Variants in CD84 observed in about 807,000 individuals in gnomAD.
The protein encoded by CD84 is SLAM family member 5.
CD84 carries 22 observed loss-of-function variants against 33.8 expected under a neutral mutation model. The observed-to-expected ratio is 0.65, with a 90% CI of 0.46 to 0.93. The LOEUF is 0.93. Among genes scored for constraint, CD84 ranks in the 40% least tolerant of loss-of-function variants. CD84 has a pLI of 0.00. For missense variants in CD84, 400 were observed against 397.6 expected (o/e 1.01, Z -0.05); for synonymous variants, 154 against 145.2 (o/e 1.06, Z -0.44).
chr1:160,550,099 C>G (rs577913358), intron 5 of CD84, 120 bp from the exon 6 acceptor site: 1 of 747,872 alleles, frequency 1.3e-6, no homozygotes, highest in Non-Finnish European at 2.4e-6. Flanking sequence ...GTGGCCTCCC[C>G]TTTGGCCTCA....
At chr1:160,550,498 C>G in intron 5 of CD84, 2 of 405,326 alleles carry the variant, frequency 4.9e-6, no homozygotes, top group Non-Finnish European at 6.7e-6. Context: ...GAAAGCAAGC[C>G]GCTGCTGCTA....
intron 1 of CD84, among the ~76,000 whole-genome samples, chr1:160,577,795 T>C (rs1433457438): frequency 2.0e-5 from 3 of 152,202 alleles, no homozygotes; most frequent in African/African-American, 7.2e-5. Flanking sequence ...ACAATTCTAC[T>C]GTATTAATAC....
chr1:160,560,398 T>C (rs1233762262), intron 2 of CD84, among the ~76,000 whole-genome samples: 1 of 152,172 alleles, frequency 6.6e-6, no homozygotes, highest in Non-Finnish European at 1.5e-5. Flanking sequence ...GAATGACTCT[T>C]GGGTAAACAA....
At chr1:160,577,436 G>A (rs1375077605) in intron 1 of CD84, among the ~76,000 whole-genome samples, 2 of 152,194 alleles carry the variant, frequency 1.3e-5, no homozygotes, top group Non-Finnish European at 2.9e-5. Flanking sequence ...TGGACAGTAT[G>A]TAAAAAGTAC....
chr1:160,553,762 G>T, intron 3 of CD84, 133 bp downstream of exon 3: 1 of 1,392,264 alleles, frequency 7.2e-7, no homozygotes, highest in Non-Finnish European at 9.8e-7. Context: ...CTTCTTGGGA[G>T]GTGATGCCCT....
intron 5 of CD84, chr1:160,550,653 C>G (rs547247275): frequency 3.0e-6 from 3 of 985,254 alleles, no homozygotes; most frequent in South Asian, 4.7e-5. Flanking sequence ...CTCTAGGGGG[C>G]GCCTTGCTCC....
In CD84 at chr1:160,541,925, T is replaced by C. The variant is rs1238320783; in HGVS notation, c.*6331A>G. 3 of 152,184 alleles carry C rather than the reference T, an allele frequency of 2.0e-5. No homozygotes were observed. Among genetic ancestry groups the C allele is most frequent in the East Asian group, 1.9e-4 (1 of 5,206 alleles). The allele number at this position is 152,184 out of a possible 1,614,324, so 9.4% of individuals were successfully genotyped here. ...GTAGAGGGAAGGTGTATTAGAGAAT[T>C]AGGCCAATTAAGGGCACATGCCTGA... is the stretch of plus-strand genomic sequence containing the variant. On this transcript the variant is annotated 3_prime_UTR_variant, in exon 7 of 7. Transcript: ENST00000368054.
intron 4 of CD84, chr1:160,552,753 C>A (rs1390988937): frequency 1.3e-6 from 2 of 1,540,584 alleles, no homozygotes; most frequent in South Asian, 1.2e-5. Flanking sequence ...GAATCAGACC[C>A]AAAGGAGAGT....
chr1:160,568,648 T>TTTGGAGTGCACTGCA (rs1657475856), intron 1 of CD84, among the ~76,000 whole-genome samples: 1 of 152,244 alleles, frequency 6.6e-6, no homozygotes, highest in Non-Finnish European at 1.5e-5. Flanking sequence ...AAAGTCTCAC[T>TTTGGAGTGCACTGCA]CTCTCACTGT....
chr1:160,571,927 A>G (rs906614942), intron 1 of CD84, among the ~76,000 whole-genome samples: 1 of 152,228 alleles, frequency 6.6e-6, no homozygotes, highest in African/African-American at 2.4e-5. Flanking sequence ...CATGGAACAA[A>G]AGATGGAAAG....
intron 5 of CD84, 70 bp from the exon 6 acceptor site, chr1:160,550,049 G>T: frequency 1.9e-6 from 2 of 1,066,642 alleles, no homozygotes; most frequent in South Asian, 1.3e-5. Context: ...TCCTAATTCT[G>T]CCTCTACCCA....
chr1:160,552,820 G>C, intron 4 of CD84: 1 of 1,019,668 alleles, frequency 9.8e-7, no homozygotes, highest in Non-Finnish European at 1.5e-6. Flanking sequence ...GGAAAAGGAA[G>C]TTCTTGGGTG....
At chr1:160,563,617 G>A (rs11590809) in intron 2 of CD84, among the ~76,000 whole-genome samples, 1,806 of 152,126 alleles carry the variant, frequency 0.012, 14 homozygotes, top group Middle Eastern at 0.027. Context: ...AGAGGATCAG[G>A]AAGGTTAGCT....
chr1:160,544,694 G>A lies in CD84; in HGVS notation c.*3562C>T, dbSNP rs1655722727. Reference sequence around the variant, plus strand: ...GGCCCAACCAGGCTATTCCCTCATAGCCTGTGTAGTTTACAGTGTTCTACA... The same window carrying A: ...GGCCCAACCAGGCTATTCCCTCATAACCTGTGTAGTTTACAGTGTTCTACA... On this transcript the variant is annotated 3_prime_UTR_variant, in exon 7 of 7. Transcript: ENST00000368054. 1 of 152,074 alleles carries A rather than the reference G, an allele frequency of 6.6e-6. No individual in the cohort carries two copies. The highest frequency in any genetic ancestry group is 2.4e-5 in the African/African-American group (1 of 41,402). 9.4% of individuals were successfully genotyped at this position (152,074 alleles called of 1,614,324 possible). A position where few individuals can be genotyped will look rare whatever the true frequency, so the allele number is the denominator to read the frequency against.
At chr1:160,550,917 C>T in intron 5 of CD84, 21 bp downstream of exon 5, 1 of 1,610,412 alleles carries the variant, frequency 6.2e-7, no homozygotes, top group Non-Finnish European at 8.5e-7. Context: ...ACAGGGGTGT[C>T]CATGAATTGC....
chr1:160,573,611 A>G (rs1478341558), intron 1 of CD84, among the ~76,000 whole-genome samples: 4 of 152,120 alleles, frequency 2.6e-5, no homozygotes, highest in Non-Finnish European at 4.4e-5. Context: ...TCCCAACATC[A>G]TCTCATTAGA....
rs763647339 is a variant in CD84 at position 160,548,315 on chromosome 1, TC to T, written c.927del (p.Ala311ProfsTer17). On this transcript the variant is annotated frameshift_variant, in exon 7 of 7. Coordinates refer to ENST00000368054, the MANE Select transcript of CD84 (RefSeq NM_003874.4). LOFTEE classifies it low-confidence loss of function (END_TRUNC). ...YSEVQFADKM[G>X]KASTQDSKPP... ...GGTTTACTGTCCTGTGTGCTGGCTT[TC>T]CCCATCTGTGCAGGAGAGAAGCGTG... 8.7e-6 allele frequency: 14 copies of T among 1,614,110 alleles called. No homozygotes were observed. The African/African-American group carries it at 1.9e-4, about 22-fold the overall frequency.
At chr1:160,563,820 G>A (rs553408610) in intron 2 of CD84, among the ~76,000 whole-genome samples, 2 of 152,138 alleles carry the variant, frequency 1.3e-5, no homozygotes, top group Non-Finnish European at 2.9e-5. Flanking sequence ...TCAAGATCTG[G>A]TATGAATTTT....
rs1293443992 is a variant in CD84, at chr1:160,548,281, G to T, written c.962C>A (p.Thr321Asn). Residue 321 changes from threonine to asparagine, a missense_variant, in exon 7 of 7, where the codon ACT becomes AAT. Physicochemically the swap from Thr to Asn is moderately conservative, Grantham distance 65 (BLOSUM62 0). Coordinates refer to ENST00000368054, the MANE Select transcript of CD84 (RefSeq NM_003874.4). ...ASTQDSKPPG[T>N]SSYEIVI ...CTAGATCACAATTTCATAGCTTGAA[G>T]TCCCAGGAGGTTTACTGTCCTGTGT... 4.3e-6 allele frequency: 7 copies of T among 1,614,086 alleles called. No homozygotes were observed. The highest frequency in any genetic ancestry group is 4.0e-5 in the African/African-American group (3 of 74,924).
Sources: allele counts gnomAD v4.1 joint callset (sites outside exome capture counted in the v4.1 genomes callset), GRCh38; gene constraint gnomAD v4.1.1; transcripts MANE v1.5; gene names NCBI Gene and HGNC (gene_info 2026-07-23, HGNC 2026-07-21).